Variants in UGT1A8 observed in about 807,000 individuals in gnomAD.
UGT1A8 encodes the protein UDP glucuronosyltransferase family 1 member A8.
Under a neutral mutation model 45.3 loss-of-function variants are expected in UGT1A8, and 39 were observed. That is an observed-to-expected ratio of 0.86 (90% CI 0.67 to 1.12). The LOEUF (loss-of-function observed/expected upper bound fraction) is 1.12, where lower values mean the gene tolerates loss of function less well. Ranked by LOEUF, UGT1A8 falls within the 50% of genes most tolerant of loss-of-function variation. The probability of loss-of-function intolerance (pLI) is 0.00; values close to 1 mark genes in which losing one functional copy is unlikely to be tolerated. For synonymous variants in UGT1A8, 275 were observed against 249.2 expected (o/e 1.10, Z -0.97); for missense variants, 719 against 664.9 (o/e 1.08, Z -0.90).
chr2:233,669,872 A>G (rs1469430924), intron 1 of UGT1A8, among the ~76,000 whole-genome samples: 1 of 152,044 alleles, frequency 6.6e-6, no homozygotes, highest in African/African-American at 2.4e-5. Context: ...TTTAGTAGAG[A>G]TAGGGTTTCA....
chr2:233,618,212 G>T lies in UGT1A8; in HGVS notation c.505G>T (p.Ala169Ser). ...TTTCTCCCTCCCCTCTGTGGTCTTC[G>T]CCAGGGGAATAGCTTGCCACTATCT... ...KYFSLPSVVFARGIACHYLEE... is the reference protein window; with the variant it reads ...KYFSLPSVVFSRGIACHYLEE... Residue 169 changes from alanine to serine, a missense_variant, in exon 1 of 5, where the codon GCC becomes TCC. By Grantham distance (99) the Ala-to-Ser change is moderately conservative (BLOSUM62 1). Transcript: ENST00000373450. The T allele has an allele frequency of 1.9e-6, 3 of 1,613,836 alleles. No individual in the cohort carries two copies. The highest frequency in any genetic ancestry group is 2.2e-5 in the East Asian group (1 of 44,852).
chr2:233,640,999 C>T (rs2073437147), intron 1 of UGT1A8, among the ~76,000 whole-genome samples: 1 of 152,104 alleles, frequency 6.6e-6, no homozygotes, highest in Non-Finnish European at 1.5e-5. Flanking sequence ...CATAATCTTC[C>T]TGCACCCAGC....
intron 1 of UGT1A8, among the ~76,000 whole-genome samples, chr2:233,639,050 C>A (rs909292177): frequency 6.6e-6 from 1 of 152,130 alleles, no homozygotes; most frequent in African/African-American, 2.4e-5. Context: ...CCTGAACCCA[C>A]GCTGAGTTTA....
At chr2:233,763,725 A>G (rs557422136) in intron 1 of UGT1A8, among the ~76,000 whole-genome samples, 3 of 152,232 alleles carry the variant, frequency 2.0e-5, no homozygotes, top group South Asian at 2.1e-4. Flanking sequence ...AGAAAGCACA[A>G]CCTGGCATTG....
intron 1 of UGT1A8, among the ~76,000 whole-genome samples, chr2:233,742,449 T>C (rs1691982228): frequency 6.6e-6 from 1 of 151,986 alleles, no homozygotes. Flanking sequence ...GGGCCAGGTG[T>C]TCCTTGCCCT....
intron 1 of UGT1A8, among the ~76,000 whole-genome samples, chr2:233,670,154 A>C (rs2074153259): frequency 6.6e-6 from 1 of 152,250 alleles, no homozygotes; most frequent in African/African-American, 2.4e-5. Context: ...GTTATTAAGA[A>C]AATCTTAAGG....
Position 233,694,015 on chromosome 2 carries a change from CAT to C in UGT1A8, c.856-73017_856-73016del, listed in dbSNP as rs2075195647. 2.9e-6 allele frequency: 4 copies of C among 1,382,808 alleles called. No homozygotes were observed. The East Asian group carries it at 9.1e-5, about 32-fold the overall frequency. The allele number at this position is 1,382,808 out of a possible 1,614,324, so 85.7% of individuals were successfully genotyped here. ...TACCCGGCTCGGAGCAGCGGGAACA[CAT>C]AGGAGACCTGAGGCTGAAGTGATAC... is the stretch of plus-strand genomic sequence containing the variant. On this transcript the variant is annotated intron_variant, in intron 1 of 4. Coordinates refer to ENST00000373450, the MANE Select transcript of UGT1A8 (RefSeq NM_019076.5).
chr2:233,709,104 A>G (rs28898589), intron 1 of UGT1A8, among the ~76,000 whole-genome samples: 3,803 of 152,176 alleles, frequency 0.025, 69 homozygotes, highest in South Asian at 0.043. Context: ...TCACATGCCC[A>G]TCTCTGAACT....
At chr2:233,694,063 AG>A (rs2075198328) in intron 1 of UGT1A8, among the ~76,000 whole-genome samples, 1 of 152,226 alleles carries the variant, frequency 6.6e-6, no homozygotes. Context: ...GGATGAAGAC[AG>A]GGCTCATGCT....
intron 1 of UGT1A8, among the ~76,000 whole-genome samples, chr2:233,683,447 A>T (rs1304949138): frequency 6.6e-6 from 1 of 152,090 alleles, no homozygotes; most frequent in East Asian, 1.9e-4. Context: ...GAATTCTTGT[A>T]TACTTTCTTT....
chr2:233,658,326 T>C (rs2073898759), intron 1 of UGT1A8, among the ~76,000 whole-genome samples: 1 of 152,184 alleles, frequency 6.6e-6, no homozygotes, highest in Non-Finnish European at 1.5e-5. Flanking sequence ...TCCTCCCCTA[T>C]GGTTAAATGT....
chr2:233,754,946 G>A, intron 1 of UGT1A8: 1 of 1,327,700 alleles, frequency 7.5e-7, no homozygotes, highest in Non-Finnish European at 1.0e-6. Context: ...AGGAGAATGG[G>A]TCCCGGCCGC....
At chr2:233,628,067 G>C (rs2073123491) in intron 1 of UGT1A8, among the ~76,000 whole-genome samples, 1 of 152,038 alleles carries the variant, frequency 6.6e-6, no homozygotes, top group Non-Finnish European at 1.5e-5. Flanking sequence ...AATTATTACA[G>C]TAGTGTAGTA....
chr2:233,667,061 TG>T (rs2074094692), intron 1 of UGT1A8, among the ~76,000 whole-genome samples: 1 of 152,198 alleles, frequency 6.6e-6, no homozygotes, highest in African/African-American at 2.4e-5. Flanking sequence ...GTTGGACATT[TG>T]GGTTGGTTCC....
At chr2:233,682,786 G>A in intron 1 of UGT1A8, 1 of 1,612,112 alleles carries the variant, frequency 6.2e-7, no homozygotes, top group Non-Finnish European at 8.5e-7. Flanking sequence ...GAAAGCCAGT[G>A]CCTATGGTAA....
chr2:233,673,359 A>G (rs45456696), intron 1 of UGT1A8, among the ~76,000 whole-genome samples: 63 of 152,286 alleles, frequency 4.1e-4, no homozygotes, highest in African/African-American at 1.5e-3. Context: ...TTTGGATGCA[A>G]TGTAGTTTTT....
rs981076107 is a variant in UGT1A8 at position 233,666,689 on chromosome 2, T to C, written c.855+48127T>C. On this transcript the variant is annotated intron_variant, in intron 1 of 4. Transcript: ENST00000373450. The stretch of plus-strand genomic sequence containing the variant: ...TGTACTTTAAGTTTTAGAGTACATG[T>C]GCACAATGTGCAGGTTAGTTACATA... 2.0e-5 allele frequency among the ~76,000 whole-genome samples: 3 copies of C among 152,166 alleles called. No individual in the cohort carries two copies. In the East Asian group the frequency reaches 5.8e-4, roughly 29 times the overall value.
At chr2:233,708,356 T>G (rs1559355777) in intron 1 of UGT1A8, 1 of 152,248 alleles carries the variant, frequency 6.6e-6, no homozygotes, top group Non-Finnish European at 1.5e-5. Flanking sequence ...TTTCCCTTAT[T>G]AATTCTTCAT....
At chr2:233,706,468 T>C (rs2075909153) in intron 1 of UGT1A8, among the ~76,000 whole-genome samples, 1 of 152,230 alleles carries the variant, frequency 6.6e-6, no homozygotes, top group African/African-American at 2.4e-5. Flanking sequence ...GGTTTCACCA[T>C]AGGCTGGGTA....
Sources: gnomAD v4.1 joint callset for allele counts (sites outside exome capture counted in the v4.1 genomes callset) on GRCh38, gnomAD v4.1.1 for gene constraint, MANE v1.5 for transcripts, NCBI Gene and HGNC (gene_info 2026-07-23, HGNC 2026-07-21) for gene names.